SCHIP1: variants seen among roughly 807,000 people sequenced by gnomAD.
SCHIP1 encodes the protein schwannomin-interacting protein 1.
Under a neutral mutation model 29.7 loss-of-function variants are expected in SCHIP1, and 8 were observed. The observed-to-expected ratio is 0.27, with a 90% confidence interval of 0.16 to 0.49. The LOEUF is 0.49. Ranked by LOEUF, SCHIP1 falls within the 20% of genes least tolerant of loss-of-function variation. The pLI is 0.99. For missense variants in SCHIP1, 193 were observed against 294.6 expected, an observed-to-expected ratio of 0.66 and a Z score of 2.52; for synonymous variants, 76 against 94.9, an observed-to-expected ratio of 0.80 and a Z score of 1.16.
At chr3:159,439,975 C>T in the SCHIP1 span, among the ~76,000 whole-genome samples, 1 of 152,030 alleles carries the variant, frequency 6.6e-6, no homozygotes, top group African/African-American at 2.4e-5. Flanking sequence ...AAATCTTTGC[C>T]CATGCCTATA....
the SCHIP1 span, among the ~76,000 whole-genome samples, chr3:159,663,088 G>C: frequency 1.3e-5 from 2 of 152,204 alleles, no homozygotes; most frequent in Non-Finnish European, 2.9e-5. Flanking sequence ...GGAATAGGAA[G>C]TGGGTTTTGT....
At chr3:159,327,367 C>A in the SCHIP1 span, among the ~76,000 whole-genome samples, 1 of 152,128 alleles carries the variant, frequency 6.6e-6, no homozygotes, top group Non-Finnish European at 1.5e-5. Flanking sequence ...GTTCCAAGTG[C>A]CTAGTAATTC....
the SCHIP1 span, among the ~76,000 whole-genome samples, chr3:159,460,431 G>A: frequency 1.2e-4 from 18 of 152,332 alleles, no homozygotes; most frequent in African/African-American, 4.3e-4. Context: ...TGGAAAAGCT[G>A]AGCAAAAGTA....
At chr3:159,541,102 G>C in the SCHIP1 span, among the ~76,000 whole-genome samples, 1 of 152,120 alleles carries the variant, frequency 6.6e-6, no homozygotes, top group Non-Finnish European at 1.5e-5. Context: ...GAGGAGCTGA[G>C]TAATAAAGAC....
At chr3:159,653,849 G>A in the SCHIP1 span, among the ~76,000 whole-genome samples, 2 of 151,508 alleles carry the variant, frequency 1.3e-5, no homozygotes, top group Admixed American at 6.6e-5. Context: ...TAAATTGAAG[G>A]TTTCTAGCAT....
the SCHIP1 span, among the ~76,000 whole-genome samples, chr3:159,515,359 G>A: frequency 1.3e-5 from 2 of 152,100 alleles, no homozygotes; most frequent in Non-Finnish European, 2.9e-5. Flanking sequence ...ATAAATCCAT[G>A]AATAAAGGAA....
At chr3:159,373,196 CTACA>C in the SCHIP1 span, among the ~76,000 whole-genome samples, 1 of 151,526 alleles carries the variant, frequency 6.6e-6, no homozygotes, top group African/African-American at 2.4e-5. Flanking sequence ...TTAATATCCT[CTACA>C]TACTTTTATT....
At chr3:159,629,441 A>T in the SCHIP1 span, among the ~76,000 whole-genome samples, 1 of 152,216 alleles carries the variant, frequency 6.6e-6, no homozygotes, top group African/African-American at 2.4e-5. Context: ...GAGCTTCTGA[A>T]TTAACACTTT....
At chr3:159,614,679 G>A in the SCHIP1 span, among the ~76,000 whole-genome samples, 3 of 152,160 alleles carry the variant, frequency 2.0e-5, no homozygotes, top group Non-Finnish European at 2.9e-5. Context: ...AGGCAATTGC[G>A]TAGTTTAAAC....
chr3:159,560,194 A>C, the SCHIP1 span, among the ~76,000 whole-genome samples: 1 of 152,208 alleles, frequency 6.6e-6, no homozygotes, highest in African/African-American at 2.4e-5. Context: ...CTTATCAATA[A>C]TATTAATATC....
At chr3:159,722,110 T>G in the SCHIP1 span, 1 of 316,048 alleles carries the variant, frequency 3.2e-6, no homozygotes, top group African/African-American at 2.2e-5. Flanking sequence ...TTCACTGATT[T>G]TATCTTTGTC....
the SCHIP1 span, among the ~76,000 whole-genome samples, chr3:159,399,377 C>T: frequency 6.6e-6 from 1 of 152,052 alleles, no homozygotes; most frequent in Non-Finnish European, 1.5e-5. Context: ...CTTATTATGT[C>T]TCTCCCACTG....
In SCHIP1 at chr3:159,892,419, T is replaced by A. The variant is rs778875101; in HGVS notation, c.683+229T>A. 10 of 605,260 alleles carry A rather than the reference T, an allele frequency of 1.7e-5. No homozygotes were observed. In the South Asian group the frequency reaches 2.0e-4, roughly 12 times the overall value. 37.5% of individuals were successfully genotyped at this position (605,260 alleles called of 1,614,324 possible). ...CCCCTTGTGATGAATTGTCAGTGCA[T>A]TACTTCTCACATCTCCGCCTAAATC... On this transcript the variant is annotated intron_variant, in intron 6 of 6. Transcript: ENST00000445224.
chr3:159,364,566 A>G, the SCHIP1 span, among the ~76,000 whole-genome samples: 2 of 152,210 alleles, frequency 1.3e-5, no homozygotes, highest in Non-Finnish European at 2.9e-5. Context: ...AATATTTATA[A>G]TATTCTCCCT....
At chr3:159,826,303 T>G in the SCHIP1 span, among the ~76,000 whole-genome samples, 1 of 152,158 alleles carries the variant, frequency 6.6e-6, no homozygotes, top group Admixed American at 6.5e-5. Context: ...TTGTGCCATC[T>G]GAAATTAGGG....
chr3:159,626,681 A>T, the SCHIP1 span, among the ~76,000 whole-genome samples: 21 of 152,208 alleles, frequency 1.4e-4, no homozygotes, highest in Non-Finnish European at 2.5e-4. Context: ...CAGACTAACA[A>T]GACCATTCAG....
chr3:159,758,096 G>C, the SCHIP1 span, among the ~76,000 whole-genome samples: 2 of 151,944 alleles, frequency 1.3e-5, no homozygotes, highest in East Asian at 3.9e-4. Flanking sequence ...ATGCCCTTTT[G>C]TTCAATTTAT....
At chr3:159,694,566 AAGAAAG>A in the SCHIP1 span, among the ~76,000 whole-genome samples, 1 of 147,894 alleles carries the variant, frequency 6.8e-6, no homozygotes, top group East Asian at 2.0e-4. Context: ...GAAAGAAAGA[AAGAAAG>A]AAAGAAAGAA....
the SCHIP1 span, among the ~76,000 whole-genome samples, chr3:159,459,035 G>A: frequency 6.6e-6 from 1 of 152,058 alleles, no homozygotes; most frequent in African/African-American, 2.4e-5. Flanking sequence ...CTAAACTTTG[G>A]CATCAAAAAT....
Sources: gnomAD v4.1 joint callset for allele counts (sites outside exome capture counted in the v4.1 genomes callset) on GRCh38, gnomAD v4.1.1 for gene constraint, MANE v1.5 for transcripts, NCBI Gene and HGNC (gene_info 2026-07-23, HGNC 2026-07-21) for gene names.